Variants in PYCR1 observed in about 807,000 individuals in gnomAD.
The protein encoded by PYCR1 is pyrroline-5-carboxylate reductase 1, mitochondrial.
A neutral mutation model predicts 22.9 loss-of-function variants in PYCR1; 19 were observed. The ratio of observed to expected loss-of-function variants is 0.83; its 90% CI spans 0.58 to 1.22. The LOEUF is 1.22. Ranked by LOEUF, PYCR1 falls within the 50% of genes most tolerant of loss-of-function variation. The probability of loss-of-function intolerance (pLI) is 0.00; values close to 1 mark genes in which losing one functional copy is unlikely to be tolerated. For synonymous variants in PYCR1, 175 were observed against 180.5 expected, an observed-to-expected ratio of 0.97 and a Z score of 0.24; for missense variants, 429 against 431.3, an observed-to-expected ratio of 0.99 and a Z score of 0.05.
rs150503777 is a variant in PYCR1 at position 81,935,436 on chromosome 17, G to A, written c.219C>T (p.His73=). 110 of 1,613,656 alleles carry A rather than the reference G, an allele frequency of 6.8e-5. 1 individual carries two copies. The highest frequency in any genetic ancestry group is 5.9e-4 in the South Asian group (54 of 91,044). The change falls in exon 3 of 7, where the codon CAC becomes CAT. Residue 73 remains histidine (H), a synonymous_variant. Coordinates refer to ENST00000329875, the MANE Select transcript of PYCR1 (RefSeq NM_006907.4). The part of the protein sequence containing the change: ...SDVLFLAVKP[H]IIPFILDEIG... ...TTTCATCCAGGATGAAGGGGATGAT[G>A]TGTGGCTTCACAGCCAGGAAGAGCA...
In PYCR1 at chr17:81,933,040, T is replaced by C; in HGVS notation, c.*174A>G. The stretch of plus-strand genomic sequence containing the variant: ...CCCCTGTTCTGGGCTGGGAAGCACT[T>C]GCAGACCACAGAGATTTCCAGTGGG... On this transcript the variant is annotated 3_prime_UTR_variant, in exon 7 of 7. Transcript: ENST00000329875. The C allele has an allele frequency of 6.3e-7, 1 of 1,578,132 alleles. No individual in the cohort carries two copies. Among genetic ancestry groups the C allele is most frequent in the Non-Finnish European group, 8.6e-7 (1 of 1,166,254 alleles).
chr17:81,934,108 G>A (rs1197500420), intron 6 of PYCR1: 3 of 657,148 alleles, frequency 4.6e-6, no homozygotes, highest in Non-Finnish European at 5.4e-6. Context: ...CAGCATCCGG[G>A]TCCCTCTATG....
rs370659872 is a variant in PYCR1, at chr17:81,937,130, C to G, written c.-316G>C. ...AAGTACGGGGAGAGGGAGGGCCCGG[C>G]GCCTAGGGGTCCCCCGTCTGGGTTC... On this transcript the variant is annotated 5_prime_UTR_variant, in exon 1 of 7. Transcript: ENST00000329875. 2 of 1,430,560 alleles carry G rather than the reference C, an allele frequency of 1.4e-6. No homozygotes were observed. Among genetic ancestry groups the G allele is most frequent in the East Asian group, 2.5e-5 (1 of 39,238 alleles). The allele number at this position is 1,430,560 out of a possible 1,614,324, so 88.6% of individuals were successfully genotyped here. A position where few individuals can be genotyped will look rare whatever the true frequency, so the allele number is the denominator to read the frequency against.
chr17:81,937,293 G>C lies in PYCR1; in HGVS notation c.-479C>G. ...GCGCTGCGGCCGCCACGCGGCACCC[G>C]CACCCAGGCCCCGCCCCCGTCGCGC... On this transcript the variant is annotated 5_prime_UTR_variant, in exon 1 of 7. Transcript: ENST00000329875. The C allele has an allele frequency of 1.8e-6, 2 of 1,098,064 alleles. No homozygotes were observed. The highest frequency in any genetic ancestry group is 1.2e-6 in the Non-Finnish European group (1 of 863,478). The allele number at this position is 1,098,064 out of a possible 1,614,324, so 68.0% of individuals were successfully genotyped here.
Position 81,935,059 on chromosome 17 carries a change from G to A in PYCR1, c.407C>T (p.Ala136Val). Residue 136 changes from alanine (A) to valine (V), a missense_variant, in exon 4 of 7, where the codon GCC (alanine) becomes GTC (valine). Transcript: ENST00000329875. Reference protein sequence around the residue: ...VVVREGATVYATGTHAQVEDG... With the variant: ...VVVREGATVYVTGTHAQVEDG... ...CTCCACCTGGGCGTGCGTGCCTGTGGCATACACGGTGGCCCCCTCCCGCAC... is the reference window on the plus strand; with the variant it reads ...CTCCACCTGGGCGTGCGTGCCTGTGACATACACGGTGGCCCCCTCCCGCAC... 6.2e-7 allele frequency: 1 copy of A among 1,610,620 alleles called. No individual in the cohort carries two copies. Among genetic ancestry groups the A allele is most frequent in the Non-Finnish European group, 8.5e-7 (1 of 1,180,000 alleles).
chr17:81,935,234 G>T (rs566960937), intron 3 of PYCR1, 87 bp from the exon 4 acceptor site: 2 of 1,570,972 alleles, frequency 1.3e-6, no homozygotes, highest in African/African-American at 2.7e-5. Flanking sequence ...AGCTCTCCCA[G>T]TGGGCCGGGA....
rs979091484 is a variant in PYCR1, at chr17:81,933,058, C to T, written c.*156G>A. ...AAGCACTTGCAGACCACAGAGATTTCCAGTGGGAAGTGATGTGGCCCCTCC... is the reference window on the plus strand; with the variant it reads ...AAGCACTTGCAGACCACAGAGATTTTCAGTGGGAAGTGATGTGGCCCCTCC... On this transcript the variant is annotated 3_prime_UTR_variant, in exon 7 of 7. Transcript: ENST00000329875. 1.3e-6 allele frequency: 2 copies of T among 1,578,438 alleles called. No homozygotes were observed. The highest frequency in any genetic ancestry group is 1.7e-6 in the Non-Finnish European group (2 of 1,167,586).
At position 81,937,184 on chromosome 17, in the gene PYCR1, G is replaced by A. The variant is rs1312209427; in HGVS notation, c.-370C>T. 6.8e-7 allele frequency: 1 copy of A among 1,473,888 alleles called. No individual in the cohort carries two copies. Among genetic ancestry groups the A allele is most frequent in the East Asian group, 2.6e-5 (1 of 37,820 alleles). The allele number at this position is 1,473,888 out of a possible 1,614,324, so 91.3% of individuals were successfully genotyped here. A position where few individuals can be genotyped will look rare whatever the true frequency, so the allele number is the denominator to read the frequency against. On this transcript the variant is annotated 5_prime_UTR_variant, in exon 1 of 7. Transcript: ENST00000329875. ...CCCCGCCCAGAACTGGGCTACCGTC[G>A]CGCCCCACCCGGCGACCGCCGCCCA... is the stretch of plus-strand genomic sequence containing the variant.
In PYCR1 at chr17:81,937,187, C is replaced by T. The variant is rs1291189054; in HGVS notation, c.-373G>A. The T allele has an allele frequency of 6.8e-7, 1 of 1,475,484 alleles. No individual in the cohort carries two copies. Among genetic ancestry groups the T allele is most frequent in the Non-Finnish European group, 8.9e-7 (1 of 1,118,608 alleles). The allele number at this position is 1,475,484 out of a possible 1,614,324, so 91.4% of individuals were successfully genotyped here. On this transcript the variant is annotated 5_prime_UTR_variant, in exon 1 of 7. Transcript: ENST00000329875. ...CGCCCAGAACTGGGCTACCGTCGCGCCCCACCCGGCGACCGCCGCCCACCA... is the reference window on the plus strand; with the variant it reads ...CGCCCAGAACTGGGCTACCGTCGCGTCCCACCCGGCGACCGCCGCCCACCA...
intron 4 of PYCR1, 33 bp from the exon 5 acceptor site, chr17:81,934,778 T>G: frequency 6.5e-7 from 1 of 1,540,372 alleles, no homozygotes; most frequent in East Asian, 2.4e-5. Context: ...GCCTCTCTCC[T>G]GGGCTTCTCC....
chr17:81,936,331 T>C (rs2041192215), intron 1 of PYCR1, 138 bp from the exon 2 acceptor site: 2 of 795,100 alleles, frequency 2.5e-6, no homozygotes, highest in Admixed American at 4.7e-5. Context: ...GTTCACGCCA[T>C]GCTCCTGCCT....
intron 4 of PYCR1, 66 bp downstream of exon 4, chr17:81,934,860 A>T (rs1567923905): frequency 6.3e-7 from 1 of 1,579,598 alleles, no homozygotes; most frequent in Non-Finnish European, 8.6e-7. Context: ...CAGGGGGAGC[A>T]GGGACAGATG....
chr17:81,934,084 G>A (rs748553145), intron 6 of PYCR1: 3 of 600,486 alleles, frequency 5.0e-6, no homozygotes, highest in African/African-American at 1.8e-5. Flanking sequence ...AACCTATGTG[G>A]GGAGCACAGG....
rs2041027270 is a variant in PYCR1, at chr17:81,932,912, G to C, written c.*302C>G. 6.2e-7 allele frequency: 1 copy of C among 1,611,918 alleles called. No homozygotes were observed. The highest frequency in any genetic ancestry group is 8.5e-7 in the Non-Finnish European group (1 of 1,179,468). On this transcript the variant is annotated 3_prime_UTR_variant, in exon 7 of 7. Coordinates refer to ENST00000329875, the MANE Select transcript of PYCR1 (RefSeq NM_006907.4). Reference sequence around the variant, plus strand: ...GGAGCCCGTGCCAGCTGATACTGGAGTAGGAGTGGGTGAAGACCCTCCGGG... The same window carrying C: ...GGAGCCCGTGCCAGCTGATACTGGACTAGGAGTGGGTGAAGACCCTCCGGG...
At position 81,933,155 on chromosome 17, in the gene PYCR1, G is replaced by T. The variant is rs1483820917; in HGVS notation, c.*59C>A. 1.9e-6 allele frequency: 3 copies of T among 1,610,238 alleles called. No individual in the cohort carries two copies. Among genetic ancestry groups the T allele is most frequent in the African/African-American group, 2.7e-5 (2 of 74,912 alleles). The stretch of plus-strand genomic sequence containing the variant: ...AGTGGGCCACTTTGGGGACCCCCTA[G>T]TCCCCCTAGTGACAAGAGAAGAGAA... On this transcript the variant is annotated 3_prime_UTR_variant, in exon 7 of 7. Transcript: ENST00000329875.
chr17:81,936,802 A>G lies in PYCR1; in HGVS notation c.13T>C (p.Phe5Leu). The change falls in exon 1 of 7, where the codon TTC becomes CTC. Residue 5 changes from phenylalanine (F) to leucine (L), a missense_variant. Coordinates refer to ENST00000329875, the MANE Select transcript of PYCR1 (RefSeq NM_006907.4). ...AAAGCCAGCTGGCCAGCGCCGATGA[A>G]GCCCACGCTCATGCTGTCCGGAGAC... Reference protein sequence around the residue: MSVGFIGAGQLAFAL... With the variant: MSVGLIGAGQLAFAL... 1 of 1,610,176 alleles carries G rather than the reference A, an allele frequency of 6.2e-7. No individual in the cohort carries two copies. The highest frequency in any genetic ancestry group is 8.5e-7 in the Non-Finnish European group (1 of 1,179,098).
chr17:81,936,427 G>A (rs1223993194), intron 1 of PYCR1, among the ~76,000 whole-genome samples: 1 of 152,084 alleles, frequency 6.6e-6, no homozygotes, highest in Non-Finnish European at 1.5e-5. Context: ...GGGTTTCACT[G>A]TGTTAGCCAG....
intron 3 of PYCR1, 93 bp from the exon 4 acceptor site, chr17:81,935,240 C>A: frequency 3.2e-6 from 5 of 1,571,114 alleles, no homozygotes; most frequent in Non-Finnish European, 4.3e-6. Flanking sequence ...CCCAGTGGGC[C>A]GGGACGCTGC....
chr17:81,932,556 G>A lies in PYCR1; in HGVS notation c.*658C>T. On this transcript the variant is annotated 3_prime_UTR_variant, in exon 7 of 7. Transcript: ENST00000329875. ...GCAGACAGAAGTCAGGACACTGGGG[G>A]CTGGAAACCAACTTATAAAACTGAA... 1 of 398,272 alleles carries A rather than the reference G, an allele frequency of 2.5e-6. No homozygotes were observed. The highest frequency in any genetic ancestry group is 2.1e-5 in the African/African-American group (1 of 48,660). 24.7% of individuals were successfully genotyped at this position (398,272 alleles called of 1,614,324 possible). A position where few individuals can be genotyped will look rare whatever the true frequency, so the allele number is the denominator to read the frequency against.
Sources: gnomAD v4.1 joint callset for allele counts (sites outside exome capture counted in the v4.1 genomes callset) on GRCh38, gnomAD v4.1.1 for gene constraint, MANE v1.5 for transcripts, NCBI Gene and HGNC (gene_info 2026-07-23, HGNC 2026-07-21) for gene names.